PPIG: variants seen among roughly 807,000 people sequenced by gnomAD.
The protein encoded by PPIG is peptidylprolyl isomerase G.
A neutral mutation model predicts 87.9 loss-of-function variants in PPIG; 26 were observed. The ratio of observed to expected loss-of-function variants is 0.30; its 90% CI spans 0.22 to 0.41. PPIG has a LOEUF of 0.41. Among genes scored for constraint, PPIG ranks in the 10% least tolerant of loss-of-function variants. PPIG has a pLI of 1.00. For missense variants in PPIG, 722 were observed against 879.4 expected (o/e 0.82, Z 2.26); for synonymous variants, 308 against 276.5 (o/e 1.11, Z -1.13).
rs3067016 is a variant in PPIG at position 169,591,920 on chromosome 2, A to ATTTT, written c.-70+7452_-70+7455dup. 2.4e-3 allele frequency among the ~76,000 whole-genome samples: 208 copies of ATTTT among 87,408 alleles called. 4 individuals carry two copies. Among genetic ancestry groups the ATTTT allele is most frequent in the Middle Eastern group, 8.2e-3 (1 of 122 alleles). 57.3% of individuals were successfully genotyped at this position (87,408 alleles called of 152,430 possible). ...TTCTAGTATTTTTAGGCAATTCATG[A>ATTTT]TTTTTTTTTTTTTTTTTTTTTTTTT... On this transcript the variant is annotated intron_variant, in intron 1 of 13. Transcript: ENST00000260970.
At chr2:169,604,355 T>A in intron 4 of PPIG, 94 bp downstream of exon 4, 1 of 813,336 alleles carries the variant, frequency 1.2e-6, no homozygotes, top group South Asian at 1.6e-5. Context: ...TTTTTTTTTT[T>A]GAGACAGGAT....
At chr2:169,615,172 C>T (rs565970388) in intron 9 of PPIG, among the ~76,000 whole-genome samples, 1 of 152,188 alleles carries the variant, frequency 6.6e-6, no homozygotes, top group Non-Finnish European at 1.5e-5. Context: ...CCTTAGCCTC[C>T]CAAGTAGCTG....
intron 1 of PPIG, among the ~76,000 whole-genome samples, chr2:169,594,942 AT>A (rs904798406): frequency 6.8e-6 from 1 of 147,324 alleles, no homozygotes; most frequent in African/African-American, 2.5e-5. Flanking sequence ...ATTTTATTTT[AT>A]TTTGAGATGG....
chr2:169,613,806 G>A lies in PPIG; in HGVS notation c.378-658G>A, dbSNP rs1297820386. 2.0e-5 allele frequency among the ~76,000 whole-genome samples: 3 copies of A among 152,198 alleles called. No individual in the cohort carries two copies. The East Asian group carries it at 5.8e-4, about 29-fold the overall frequency. On this transcript the variant is annotated intron_variant, in intron 7 of 13. Transcript: ENST00000260970. ...CCAGGCATGCTGGCATGCACCTATA[G>A]TCCCAGCTACTTGGGATGCTGAGGC...
rs1177779485 is a variant in PPIG at position 169,638,442 on chromosome 2, A to G, written c.*919A>G. 6.6e-6 allele frequency: 1 copy of G among 151,852 alleles called. No homozygotes were observed. Among genetic ancestry groups the G allele is most frequent in the Non-Finnish European group, 1.5e-5 (1 of 67,902 alleles). 9.4% of individuals were successfully genotyped at this position (151,852 alleles called of 1,614,324 possible). ...TAGTATTGAGACATTAACTTCTAAG[A>G]TTTCTCTTTTTTGGCCTCCAACCTA... is the stretch of plus-strand genomic sequence containing the variant. On this transcript the variant is annotated 3_prime_UTR_variant, in exon 14 of 14. Coordinates refer to ENST00000260970, the MANE Select transcript of PPIG (RefSeq NM_004792.3).
In PPIG at chr2:169,584,387, G is replaced by A; in HGVS notation, c.-173G>A. The A allele has an allele frequency of 2.1e-6, 1 of 471,166 alleles. No homozygotes were observed. The highest frequency in any genetic ancestry group is 1.5e-5 in the South Asian group (1 of 64,566). The allele number at this position is 471,166 out of a possible 1,614,324, so 29.2% of individuals were successfully genotyped here. On this transcript the variant is annotated 5_prime_UTR_variant, in exon 1 of 14. Transcript: ENST00000260970. ...TCTCCATGCCAGGACTGAGTTGTGG[G>A]GGAGGGAGGCGGTTAGCGGGCTTTA...
In PPIG at chr2:169,604,285, C is replaced by T. The variant is rs1004746452; in HGVS notation, c.136+24C>T. The T allele has an allele frequency of 3.4e-6, 5 of 1,470,266 alleles. No individual in the cohort carries two copies. The African/African-American group carries it at 5.7e-5, about 17-fold the overall frequency. 91.1% of individuals were successfully genotyped at this position (1,470,266 alleles called of 1,614,324 possible). A position where few individuals can be genotyped will look rare whatever the true frequency, so the allele number is the denominator to read the frequency against. On this transcript the variant is annotated intron_variant, in intron 4 of 13. Transcript: ENST00000260970. ...AGGTTTGTTCACATTTTCAACTGCCCTAATAGTAGTCTCAGTTGACTATGG... is the reference window on the plus strand; with the variant it reads ...AGGTTTGTTCACATTTTCAACTGCCTTAATAGTAGTCTCAGTTGACTATGG...
Position 169,631,897 on chromosome 2 carries a change from A to C in PPIG, c.893A>C (p.Glu298Ala). Residue 298 changes from glutamate (E) to alanine (A), a missense_variant, in exon 11 of 14, where the codon GAA becomes GCA. Glu to Ala is a moderately radical substitution (Grantham distance 107). This residue lies in a region of PPIG where 142 missense variants were observed against 152.8 expected (regional missense o/e 0.93). Transcript: ENST00000260970. ...AGTCCTCCTAAAGCTGATGAGAAGG[A>C]AAGGAAAAACAGAGAGAGAGAAAGG... ...RKSPPKADEK[E>A]RKNRERERER... 6.2e-7 allele frequency: 1 copy of C among 1,607,236 alleles called. No homozygotes were observed. The highest frequency in any genetic ancestry group is 8.5e-7 in the Non-Finnish European group (1 of 1,174,294).
chr2:169,607,705 C>T (rs1015695181), intron 6 of PPIG, among the ~76,000 whole-genome samples: 33 of 152,120 alleles, frequency 2.2e-4, no homozygotes, highest in African/African-American at 7.0e-4. Context: ...ATGATTTGTT[C>T]TTAATATTCT....
intron 2 of PPIG, 33 bp from the exon 3 acceptor site, chr2:169,603,993 G>C: frequency 6.5e-7 from 1 of 1,530,710 alleles, no homozygotes; most frequent in Non-Finnish European, 9.0e-7. Flanking sequence ...TGCTATTTTA[G>C]TCTGCTTGTC....
rs1337039230 is a variant in PPIG, at chr2:169,639,642, GCT to G, written c.*2124_*2125del. ...TAGTCCTTATTTTAAAGTTTTATTAGCTCTCTTTACAGAACAGATGTGAAGGA... is the reference window on the plus strand; with the variant it reads ...TAGTCCTTATTTTAAAGTTTTATTAGCTCTTTACAGAACAGATGTGAAGGA... On this transcript the variant is annotated 3_prime_UTR_variant, in exon 14 of 14. Transcript: ENST00000260970. 6.6e-6 allele frequency: 1 copy of G among 152,068 alleles called. No homozygotes were observed. Among genetic ancestry groups the G allele is most frequent in the African/African-American group, 2.4e-5 (1 of 41,424 alleles). 9.4% of individuals were successfully genotyped at this position (152,068 alleles called of 1,614,324 possible).
chr2:169,590,174 T>C (rs904595909), intron 1 of PPIG, among the ~76,000 whole-genome samples: 1 of 151,804 alleles, frequency 6.6e-6, no homozygotes, highest in South Asian at 2.1e-4. Context: ...AAGCAGTACA[T>C]GTTTAAGAGG....
chr2:169,623,823 A>T (rs1685814286), intron 9 of PPIG, among the ~76,000 whole-genome samples: 1 of 152,180 alleles, frequency 6.6e-6, no homozygotes, highest in Non-Finnish European at 1.5e-5. Flanking sequence ...TTCAAATCTT[A>T]TTTTGATGGT....
intron 1 of PPIG, among the ~76,000 whole-genome samples, chr2:169,596,805 T>TTC (rs936728162): frequency 6.6e-6 from 1 of 152,202 alleles, no homozygotes; most frequent in African/African-American, 2.4e-5. Flanking sequence ...GTTTAAGCGA[T>TTC]TCTCCTGCCT....
intron 10 of PPIG, 107 bp downstream of exon 10, chr2:169,631,094 A>G (rs1381679434): frequency 1.9e-6 from 2 of 1,045,830 alleles, no homozygotes; most frequent in African/African-American, 1.6e-5. Context: ...AGTGAGAAAT[A>G]TAGCATGGAG....
At chr2:169,635,513 C>A (rs1016036522) in intron 12 of PPIG, among the ~76,000 whole-genome samples, 2 of 152,134 alleles carry the variant, frequency 1.3e-5, no homozygotes, top group African/African-American at 4.8e-5. Flanking sequence ...CACATGCTCT[C>A]CAAGTCCTGT....
intron 12 of PPIG, among the ~76,000 whole-genome samples, chr2:169,633,828 A>AC (rs869124303): frequency 4.1e-4 from 33 of 79,940 alleles, no homozygotes; most frequent in Middle Eastern, 6.0e-3. Context: ...TATTCTTTCC[A>AC]CCCCCCCCTT....
chr2:169,596,161 C>T (rs954416571), intron 1 of PPIG, among the ~76,000 whole-genome samples: 7 of 151,722 alleles, frequency 4.6e-5, no homozygotes, highest in African/African-American at 1.7e-4. Flanking sequence ...AGTGCAGTGG[C>T]GCGATCTTGG....
At chr2:169,601,164 AGTATT>A (rs1281230051) in intron 1 of PPIG, among the ~76,000 whole-genome samples, 2 of 152,244 alleles carry the variant, frequency 1.3e-5, no homozygotes, top group African/African-American at 4.8e-5. Flanking sequence ...ACTGCCATAT[AGTATT>A]AAATAGCATT....
Sources: gnomAD v4.1 joint callset for allele counts (sites outside exome capture counted in the v4.1 genomes callset) on GRCh38, gnomAD v4.1.1 for gene constraint, gnomAD v4.1.1 regional missense constraint, MANE v1.5 for transcripts, NCBI Gene and HGNC (gene_info 2026-07-23, HGNC 2026-07-21) for gene names.